The following ZC3H18 variants were observed in gnomAD, a reference collection of about 807,000 sequenced individuals.
The protein encoded by ZC3H18 is zinc finger CCCH-type containing 18.
Under a neutral mutation model 106.1 loss-of-function variants are expected in ZC3H18, and 8 were observed. The observed-to-expected ratio is 0.08, with a 90% CI of 0.04 to 0.14. The LOEUF is 0.14. Ranked by LOEUF, ZC3H18 falls within the 10% of genes least tolerant of loss-of-function variation. The pLI is 1.00. For missense variants in ZC3H18, 1,318 were observed against 1,278.4 expected (o/e 1.03, Z -0.47); for synonymous variants, 635 against 522.1 (o/e 1.22, Z -2.95).
chr16:88,630,579 C>A lies in ZC3H18; in HGVS notation c.2661C>A (p.Asp887Glu), dbSNP rs1226089539. The change falls in exon 17 of 18, where the codon GAC becomes GAA. Residue 887 changes from aspartate (D) to glutamate (E), a missense_variant and splice_region_variant. Transcript: ENST00000301011. ...CCAAAGCCCCTGCAGCCCCGGCTGACAGGTGAGTCCCACCCAGCATGTGCC... is the reference window on the plus strand; with the variant it reads ...CCAAAGCCCCTGCAGCCCCGGCTGAAAGGTGAGTCCCACCCAGCATGTGCC... ...QNSKAPAAPA[D>E]RKRQLSPQSK... 4 of 1,601,756 alleles carry A rather than the reference C, an allele frequency of 2.5e-6. No individual in the cohort carries two copies. Among genetic ancestry groups the A allele is most frequent in the Non-Finnish European group, 3.4e-6 (4 of 1,176,718 alleles).
chr16:88,627,713 G>A lies in ZC3H18; in HGVS notation c.2200G>A (p.Asp734Asn). 1.2e-6 allele frequency: 2 copies of A among 1,613,724 alleles called. No individual in the cohort carries two copies. The highest frequency in any genetic ancestry group is 8.5e-7 in the Non-Finnish European group (1 of 1,179,896). ...CGTGGACTCGGAGGACATGTACGCA[G>A]ACCTGGCTAGCCCCGTGTCCTCAGC... is the stretch of plus-strand genomic sequence containing the variant. ...HSVDSEDMYA[D>N]LASPVSSASS... The change falls in exon 14 of 18, where the codon GAC becomes AAC. Residue 734 changes from aspartate (D) to asparagine (N), a missense_variant. Coordinates refer to ENST00000301011, the MANE Select transcript of ZC3H18 (RefSeq NM_144604.4). This position sits in a 1 kb window ranked among gnomAD's most constrained non-coding sequence, Gnocchi z 4.5.
At chr16:88,624,087 T>C in intron 11 of ZC3H18, 25 bp downstream of exon 11, 1 of 1,605,744 alleles carries the variant, frequency 6.2e-7, no homozygotes, top group Non-Finnish European at 8.5e-7. Flanking sequence ...TGTGGGCAAG[T>C]CCTGGCCGGC....
chr16:88,579,723 A>G (rs1196015861), intron 2 of ZC3H18, among the ~76,000 whole-genome samples: 1 of 152,148 alleles, frequency 6.6e-6, no homozygotes, highest in Non-Finnish European at 1.5e-5. Flanking sequence ...CCCACAGTTG[A>G]AAACGGAGTG....
At chr16:88,582,848 CT>C (rs1390585187) in intron 2 of ZC3H18, among the ~76,000 whole-genome samples, 1 of 152,342 alleles carries the variant, frequency 6.6e-6, no homozygotes, top group Admixed American at 6.5e-5. Flanking sequence ...TGCCTCCCCT[CT>C]TGTGGGAGGG....
At chr16:88,578,451 C>T (rs62050299) in intron 2 of ZC3H18, among the ~76,000 whole-genome samples, 1 of 152,086 alleles carries the variant, frequency 6.6e-6, no homozygotes, top group Admixed American at 6.5e-5. Flanking sequence ...CCCCAAAGTC[C>T]TCCTGAGTGA....
chr16:88,581,202 A>G (rs557492799), intron 2 of ZC3H18, among the ~76,000 whole-genome samples: 31 of 152,284 alleles, frequency 2.0e-4, no homozygotes, highest in African/African-American at 6.0e-4. Context: ...GGGTCTCACT[A>G]TGTTGCCCAG....
At chr16:88,581,021 G>C (rs1395766820) in intron 2 of ZC3H18, among the ~76,000 whole-genome samples, 3 of 152,208 alleles carry the variant, frequency 2.0e-5, no homozygotes, top group Admixed American at 6.5e-5. Flanking sequence ...TCGCCTAGAG[G>C]CTTTCCCTGC....
chr16:88,608,326 G>A (rs983069795), intron 6 of ZC3H18, among the ~76,000 whole-genome samples: 1 of 151,804 alleles, frequency 6.6e-6, no homozygotes, highest in Non-Finnish European at 1.5e-5. Flanking sequence ...TTTTTATCAT[G>A]CTAAAGTATC....
intron 3 of ZC3H18, chr16:88,587,552 AC>A (rs1336520221): frequency 1.3e-6 from 2 of 1,536,106 alleles, no homozygotes; most frequent in East Asian, 4.9e-5. Flanking sequence ...ATGTTGTGAC[AC>A]CATTATCCAC....
At chr16:88,590,704 C>T (rs948942796) in intron 3 of ZC3H18, among the ~76,000 whole-genome samples, 2 of 151,272 alleles carry the variant, frequency 1.3e-5, no homozygotes, top group African/African-American at 4.9e-5. Context: ...CGATTACAGG[C>T]ATCTGCCACC....
rs1318714601 is a variant in ZC3H18 at position 88,608,920 on chromosome 16, T to C, written c.1089-14T>C. On this transcript the variant is annotated splice_polypyrimidine_tract_variant and intron_variant, in intron 6 of 17. Transcript: ENST00000301011. ...CCTAAGTGATGAGAGTTCTTTTTCA[T>C]TGGCCCTTTTCAGACTCGAGCCTTA... 6.2e-7 allele frequency: 1 copy of C among 1,604,468 alleles called. No individual in the cohort carries two copies. Among genetic ancestry groups the C allele is most frequent in the Middle Eastern group, 1.7e-4 (1 of 6,046 alleles).
chr16:88,571,963 G>T (rs2142506133), intron 1 of ZC3H18, among the ~76,000 whole-genome samples: 1 of 152,270 alleles, frequency 6.6e-6, no homozygotes, highest in Non-Finnish European at 1.5e-5. Flanking sequence ...GTGCTTCTTT[G>T]CCAGAATCTC....
chr16:88,618,888 C>G (rs1905786750), intron 8 of ZC3H18, among the ~76,000 whole-genome samples: 1 of 152,176 alleles, frequency 6.6e-6, no homozygotes, highest in Non-Finnish European at 1.5e-5. Flanking sequence ...GCGTTCTCAG[C>G]CCACACTGGC....
rs71391393 is a variant in ZC3H18 at position 88,582,219 on chromosome 16, C to CTTTTTTTTT, written c.604-4366_604-4358dup. On this transcript the variant is annotated intron_variant, in intron 2 of 17. Coordinates refer to ENST00000301011, the MANE Select transcript of ZC3H18 (RefSeq NM_144604.4). ...TAAATCCACCTTTCCTTTTTCTTTTCTTTTTTTTTTTTTTTTTTTTTTTGA... is the reference window on the plus strand; with the variant it reads ...TAAATCCACCTTTCCTTTTTCTTTTCTTTTTTTTTTTTTTTTTTTTTTTTTTTTTTTTGA... 1.0e-2 allele frequency among the ~76,000 whole-genome samples: 768 copies of CTTTTTTTTT among 77,168 alleles called. 32 individuals are homozygous for CTTTTTTTTT. Among genetic ancestry groups the CTTTTTTTTT allele is most frequent in the African/African-American group, 0.012 (215 of 17,936 alleles). The allele number at this position is 77,168 out of a possible 152,430, so 50.6% of individuals were successfully genotyped here. A position where few individuals can be genotyped will look rare whatever the true frequency, so the allele number is the denominator to read the frequency against.
At chr16:88,609,091 C>CT (rs1459147518) in intron 7 of ZC3H18, 40 bp downstream of exon 7, 5 of 1,496,756 alleles carry the variant, frequency 3.3e-6, no homozygotes, top group Non-Finnish European at 4.6e-6. Context: ...ACTTCATGAT[C>CT]TGTTCATTCA....
chr16:88,598,791 G>A (rs984905911), intron 5 of ZC3H18, 79 bp downstream of exon 5: 13 of 1,327,140 alleles, frequency 9.8e-6, no homozygotes, highest in Non-Finnish European at 8.4e-6. Context: ...GGATTTCCTC[G>A]GTCCAGAGAG....
intron 3 of ZC3H18, among the ~76,000 whole-genome samples, chr16:88,589,116 C>T (rs149578622): frequency 5.3e-5 from 8 of 152,238 alleles, no homozygotes; most frequent in Non-Finnish European, 1.0e-4. Context: ...AATTGAAATT[C>T]TTCAGTTTAT....
At position 88,631,834 on chromosome 16, in the gene ZC3H18, G is replaced by T; in HGVS notation, c.*535G>T. Reference sequence around the variant, plus strand: ...TGTCTTTTATTTTAAGCATCAAATTGTTTTAGTTGATTTAAAAAGGAAAAA... The same window carrying T: ...TGTCTTTTATTTTAAGCATCAAATTTTTTTAGTTGATTTAAAAAGGAAAAA... On this transcript the variant is annotated 3_prime_UTR_variant, in exon 18 of 18. Coordinates refer to ENST00000301011, the MANE Select transcript of ZC3H18 (RefSeq NM_144604.4). 1.0e-5 allele frequency: 3 copies of T among 288,516 alleles called. No individual in the cohort carries two copies. The highest frequency in any genetic ancestry group is 2.0e-5 in the Non-Finnish European group (3 of 146,416). The allele number at this position is 288,516 out of a possible 1,614,324, so 17.9% of individuals were successfully genotyped here.
Position 88,599,744 on chromosome 16 carries a change from G to A in ZC3H18, c.931-47G>A, listed in dbSNP as rs184215869. On this transcript the variant is annotated intron_variant, in intron 5 of 17. Transcript: ENST00000301011. ...TCCCTTTGTGTTTCCTAACAGCGAC[G>A]CCCGGTATTCTGTTCCATGTTGACT... 2.3e-4 allele frequency: 360 copies of A among 1,571,782 alleles called. No homozygotes were observed. The East Asian group carries it at 5.3e-3, about 23-fold the overall frequency.
Sources: allele counts gnomAD v4.1 joint callset (sites outside exome capture counted in the v4.1 genomes callset), GRCh38; gene constraint gnomAD v4.1.1; non-coding constraint Gnocchi (gnomAD v3.1); transcripts MANE v1.5; gene names NCBI Gene and HGNC (gene_info 2026-07-23, HGNC 2026-07-21).